BORCS5: variants seen among roughly 807,000 people sequenced by gnomAD.
The protein encoded by BORCS5 is BLOC-1-related complex subunit 5.
In BORCS5, 17 loss-of-function variants were observed where a neutral mutation model predicts 22.1. The ratio of observed to expected loss-of-function variants is 0.77; its 90% CI spans 0.53 to 1.15. The LOEUF is 1.15. Among genes scored for constraint, BORCS5 ranks in the 50% most tolerant of loss-of-function variants. The pLI is 0.00. For missense variants in BORCS5, 247 were observed against 253.2 expected, an observed-to-expected ratio of 0.98 and a Z score of 0.17; for synonymous variants, 117 against 99.8, an observed-to-expected ratio of 1.17 and a Z score of -1.03.
At chr12:12,403,858 G>GTT (rs1941533653) in intron 2 of BORCS5, among the ~76,000 whole-genome samples, 1 of 152,114 alleles carries the variant, frequency 6.6e-6, no homozygotes, top group African/African-American at 2.4e-5. Flanking sequence ...GATCAATCAA[G>GTT]CTTTGACTTA....
intron 3 of BORCS5, among the ~76,000 whole-genome samples, chr12:12,463,313 A>G (rs1943145445): frequency 6.6e-6 from 1 of 152,242 alleles, no homozygotes; most frequent in Admixed American, 6.5e-5. Context: ...CAGATAGTCC[A>G]TTGTTGCTTG....
chr12:12,433,543 G>A (rs1248830309), intron 2 of BORCS5, among the ~76,000 whole-genome samples: 2 of 152,114 alleles, frequency 1.3e-5, no homozygotes, highest in Non-Finnish European at 2.9e-5. Context: ...TATCCTGGTT[G>A]TGATATTGTA....
At chr12:12,414,365 T>C (rs1275730602) in intron 2 of BORCS5, among the ~76,000 whole-genome samples, 34 of 63,558 alleles carry the variant, frequency 5.3e-4, no homozygotes, top group East Asian at 4.3e-3. Context: ...CCGGACGGGG[T>C]GGCTGGTCAG....
At chr12:12,465,435 G>A (rs1943182403) in intron 3 of BORCS5, 111 bp from the exon 4 acceptor site, 2 of 935,966 alleles carry the variant, frequency 2.1e-6, no homozygotes, top group East Asian at 5.3e-5. Flanking sequence ...TGTAAAACTT[G>A]TCAGCTTCCA....
At chr12:12,409,197 T>C (rs957135430) in intron 2 of BORCS5, among the ~76,000 whole-genome samples, 1 of 151,924 alleles carries the variant, frequency 6.6e-6, no homozygotes, top group African/African-American at 2.4e-5. Flanking sequence ...TGTCAGGAAT[T>C]CTTTTTATCT....
At chr12:12,384,421 T>C (rs1863838084) in intron 2 of BORCS5, among the ~76,000 whole-genome samples, 1 of 149,980 alleles carries the variant, frequency 6.7e-6, no homozygotes, top group Non-Finnish European at 1.5e-5. Flanking sequence ...TTTTGTCTGC[T>C]GTATCTAGTA....
At chr12:12,361,580 TTA>T (rs1002244850) in intron 2 of BORCS5, among the ~76,000 whole-genome samples, 5 of 152,222 alleles carry the variant, frequency 3.3e-5, no homozygotes, top group African/African-American at 1.2e-4. Context: ...GCAAATATCT[TTA>T]TCTGTCTATA....
At chr12:12,378,360 A>G (rs1863700882) in intron 2 of BORCS5, among the ~76,000 whole-genome samples, 1 of 152,238 alleles carries the variant, frequency 6.6e-6, no homozygotes. Flanking sequence ...TGACAGAGTG[A>G]GACTCCGTCT....
chr12:12,464,689 A>G (rs902461296), intron 3 of BORCS5, among the ~76,000 whole-genome samples: 2 of 152,056 alleles, frequency 1.3e-5, no homozygotes, highest in African/African-American at 4.8e-5. Context: ...CTCTATTTTT[A>G]TCTGGGTGAT....
chr12:12,414,649 C>T (rs1259615535), intron 2 of BORCS5, among the ~76,000 whole-genome samples: 2 of 104,634 alleles, frequency 1.9e-5, no homozygotes, highest in Admixed American at 8.4e-5. Context: ...CAGAGGAGCC[C>T]CTCACCTCCC....
intron 3 of BORCS5, among the ~76,000 whole-genome samples, chr12:12,458,119 TTTTTGTTTTGTTTTG>T (rs763096548): frequency 6.6e-6 from 1 of 152,138 alleles, no homozygotes; most frequent in African/African-American, 2.4e-5. Flanking sequence ...TGCCTACTGT[TTTTTGTTTTGTTTTG>T]TTTTGTTTTG....
At chr12:12,366,868 C>T (rs1052423907) in intron 2 of BORCS5, among the ~76,000 whole-genome samples, 3 of 152,096 alleles carry the variant, frequency 2.0e-5, no homozygotes, top group South Asian at 2.1e-4. Flanking sequence ...TCTTTCCAAC[C>T]GATCTGTCAT....
chr12:12,453,064 C>G (rs1197263692), intron 3 of BORCS5, among the ~76,000 whole-genome samples: 3 of 152,024 alleles, frequency 2.0e-5, no homozygotes, highest in African/African-American at 7.3e-5. Flanking sequence ...AACACAAGCA[C>G]CGGGTTTGCA....
chr12:12,360,688 G>T (rs1008969354), intron 1 of BORCS5, among the ~76,000 whole-genome samples: 1 of 150,178 alleles, frequency 6.7e-6, no homozygotes, highest in Non-Finnish European at 1.5e-5. Context: ...GAGATTACAG[G>T]CATGAGCCAC....
At position 12,463,451 on chromosome 12, in the gene BORCS5, A is replaced by G. The variant is rs866634706; in HGVS notation, c.361-2095A>G. Among the ~76,000 whole-genome samples the G allele has an allele frequency of 1.8e-4, 27 of 152,368 alleles. 2 individuals are homozygous for G. The Middle Eastern group carries it at 0.014, about 77-fold the overall frequency. ...GCCAACAAAAGTCTCATAAAGCACC[A>G]GTGATACAGGGTCTTGCTCAGGAAA... On this transcript the variant is annotated intron_variant, in intron 3 of 3. Coordinates refer to ENST00000314565, the MANE Select transcript of BORCS5 (RefSeq NM_058169.6).
intron 3 of BORCS5, among the ~76,000 whole-genome samples, chr12:12,455,812 C>T (rs1048137144): frequency 1.3e-5 from 2 of 150,308 alleles, no homozygotes; most frequent in African/African-American, 2.4e-5. Context: ...TGATTAAGTC[C>T]ATATGCAGTC....
At chr12:12,359,910 A>G (rs1863239817) in intron 1 of BORCS5, among the ~76,000 whole-genome samples, 1 of 152,108 alleles carries the variant, frequency 6.6e-6, no homozygotes, top group African/African-American at 2.4e-5. Context: ...GTCACAGTTA[A>G]ATTTTGTACC....
At position 12,406,038 on chromosome 12, in the gene BORCS5, C is replaced by T. The variant is rs79215919; in HGVS notation, c.203-29590C>T. On this transcript the variant is annotated intron_variant, in intron 2 of 3. Coordinates refer to ENST00000314565, the MANE Select transcript of BORCS5 (RefSeq NM_058169.6). ...AACAATGCTGGCTGGCATTGGTGAC[C>T]GGACTTTGCCACAGGGATTGCTTCT... Among the ~76,000 whole-genome samples the T allele has an allele frequency of 2.2e-3, 335 of 152,318 alleles. 4 individuals are homozygous for T. The highest frequency in any genetic ancestry group is 7.6e-3 in the African/African-American group (315 of 41,584).
chr12:12,396,265 G>A (rs1266556843), intron 2 of BORCS5, among the ~76,000 whole-genome samples: 1 of 151,320 alleles, frequency 6.6e-6, no homozygotes, highest in East Asian at 1.9e-4. Context: ...AGGATTACAG[G>A]TGTGAGCAAC....
Sources: allele counts gnomAD v4.1 joint callset (sites outside exome capture counted in the v4.1 genomes callset), GRCh38; gene constraint gnomAD v4.1.1; transcripts MANE v1.5; gene names NCBI Gene and HGNC (gene_info 2026-07-23, HGNC 2026-07-21).